UIMC1: variants seen among roughly 807,000 people sequenced by gnomAD.
UIMC1 encodes the protein ubiquitin interaction motif containing 1.
Under a neutral mutation model 84.9 loss-of-function variants are expected in UIMC1, and 42 were observed. The ratio of observed to expected loss-of-function variants is 0.49; its 90% confidence interval spans 0.39 to 0.64. The LOEUF is 0.64. Among genes scored for constraint, UIMC1 ranks in the 30% least tolerant of loss-of-function variants. The pLI, the probability that UIMC1 is intolerant of heterozygous loss-of-function variation, is 0.00. For synonymous variants in UIMC1, 281 were observed against 293.0 expected (o/e 0.96, Z 0.42); for missense variants, 825 against 847.6 (o/e 0.97, Z 0.33).
Position 176,911,318 on chromosome 5 carries a change from T to C in UIMC1, c.1669A>G (p.Ile557Val). 2 of 1,595,740 alleles carry C rather than the reference T, an allele frequency of 1.3e-6. No homozygotes were observed. Among genetic ancestry groups the C allele is most frequent in the South Asian group, 2.3e-5 (2 of 87,348 alleles). Residue 557 changes from isoleucine (I) to valine (V), a missense_variant, in exon 11 of 15, where the codon ATT (isoleucine) becomes GTT (valine). By Grantham distance (29) the Ile-to-Val change is conservative (BLOSUM62 3). Transcript: ENST00000511320. Reference protein sequence around the residue: ...SGTAAQTSLDIDKNEKCYLCK... With the variant: ...SGTAAQTSLDVDKNEKCYLCK... ...TGCAGCATACCTACTTACTTGTCAA[T>C]GTCTAGAGAAGTCTGGGCAGCTGTC...
chr5:176,985,848 C>A (rs1771904811), intron 1 of UIMC1, among the ~76,000 whole-genome samples: 2 of 152,096 alleles, frequency 1.3e-5, no homozygotes, highest in African/African-American at 2.4e-5. Flanking sequence ...ATACCAAATG[C>A]CTCAACCTGA....
upstream of UIMC1, among the ~76,000 whole-genome samples, chr5:177,009,856 GA>G (rs1379557469): frequency 6.6e-6 from 1 of 152,086 alleles, no homozygotes; most frequent in Non-Finnish European, 1.5e-5. The surrounding 1 kb of genome is among the most constrained non-coding windows in gnomAD (Gnocchi z 4.3). Flanking sequence ...TCAACATGGC[GA>G]AACCCCGTCT....
intron 10 of UIMC1, among the ~76,000 whole-genome samples, chr5:176,939,319 A>G (rs1246210011): frequency 2.3e-4 from 35 of 152,088 alleles, no homozygotes; most frequent in Non-Finnish European, 2.9e-5. Flanking sequence ...TTAAAGGTAA[A>G]TATGAAGTAA....
At chr5:176,920,247 C>T (rs1016293807) in intron 10 of UIMC1, among the ~76,000 whole-genome samples, 61 of 152,072 alleles carry the variant, frequency 4.0e-4, no homozygotes, top group African/African-American at 1.4e-3. Context: ...AGGCTAGTCT[C>T]GAACTCCTGA....
chr5:176,998,983 G>T (rs1774049794), intron 1 of UIMC1, among the ~76,000 whole-genome samples: 1 of 151,762 alleles, frequency 6.6e-6, no homozygotes, highest in African/African-American at 2.4e-5. Context: ...TGAGCTAGGG[G>T]GTTTGAGACC....
At chr5:176,924,946 G>A (rs187939919) in intron 10 of UIMC1, among the ~76,000 whole-genome samples, 3 of 150,672 alleles carry the variant, frequency 2.0e-5, no homozygotes, top group South Asian at 4.2e-4. Context: ...CAGGAGAATC[G>A]CTTGAACCTG....
chr5:176,976,159 A>C (rs1030077068), intron 2 of UIMC1, among the ~76,000 whole-genome samples: 1 of 151,904 alleles, frequency 6.6e-6, no homozygotes, highest in African/African-American at 2.4e-5. Flanking sequence ...TTTATTTTTT[A>C]ATTAAAAAGA....
At chr5:176,924,869 A>G (rs1324974746) in intron 10 of UIMC1, among the ~76,000 whole-genome samples, 4 of 151,874 alleles carry the variant, frequency 2.6e-5, no homozygotes, top group Non-Finnish European at 5.9e-5. Context: ...TGAAACCCTG[A>G]CTCTACTAAA....
At chr5:176,905,879 G>A in intron 14 of UIMC1, 132 bp downstream of exon 14, 1 of 916,292 alleles carries the variant, frequency 1.1e-6, no homozygotes, top group East Asian at 2.5e-5. Flanking sequence ...CATACTGAGA[G>A]AGAGGTCATA....
chr5:176,939,467 ATTATAATAC>A (rs1346700900), intron 10 of UIMC1, among the ~76,000 whole-genome samples: 1 of 152,104 alleles, frequency 6.6e-6, no homozygotes, highest in African/African-American at 2.4e-5. Flanking sequence ...GTGCCATAAA[ATTATAATAC>A]CATATTTTTA....
In UIMC1 at chr5:176,969,638, G is replaced by A. The variant is rs1396355682; in HGVS notation, c.426C>T (p.Ser142=). The A allele has an allele frequency of 6.2e-7, 1 of 1,613,998 alleles. No homozygotes were observed. The highest frequency in any genetic ancestry group is 1.3e-5 in the African/African-American group (1 of 74,892). ...RPLATGPSSQ[S]HQEKTTDSGL... is the part of the protein sequence containing the mutation. ...CAGAGTCTGTGGTTTTCTCTTGATG[G>A]GACTGGGAAGACGGTCCAGTGGCCA... The change falls in exon 5 of 15, where the codon TCC becomes TCT. Residue 142 remains serine (S), a synonymous_variant. Transcript: ENST00000511320.
Position 176,908,705 on chromosome 5 carries a change from A to G in UIMC1, c.1677-11T>C. 1 of 1,606,244 alleles carries G rather than the reference A, an allele frequency of 6.2e-7. No individual in the cohort carries two copies. Among genetic ancestry groups the G allele is most frequent in the Non-Finnish European group, 8.5e-7 (1 of 1,175,342 alleles). ...TAACACTTCTCATTCCTATCCAATAAGAAAAAAGGAAGAAAACACAGTTTT... is the reference window on the plus strand; with the variant it reads ...TAACACTTCTCATTCCTATCCAATAGGAAAAAAGGAAGAAAACACAGTTTT... On this transcript the variant is annotated splice_polypyrimidine_tract_variant and intron_variant, in intron 11 of 14. Transcript: ENST00000511320.
At chr5:176,958,212 C>T (rs1185623991) in intron 6 of UIMC1, 58 bp from the exon 7 acceptor site, 1 of 1,450,022 alleles carries the variant, frequency 6.9e-7, no homozygotes, top group Non-Finnish European at 9.4e-7. Flanking sequence ...GGCTTCTCTT[C>T]CTTTTTTAAA....
chr5:177,001,667 A>C (rs935609396), intron 1 of UIMC1, among the ~76,000 whole-genome samples: 1 of 152,066 alleles, frequency 6.6e-6, no homozygotes, highest in Non-Finnish European at 1.5e-5. Flanking sequence ...GGCCAGGTGC[A>C]GTGGCTCACG....
chr5:176,964,002 T>C (rs980061570), intron 6 of UIMC1, among the ~76,000 whole-genome samples: 9 of 152,198 alleles, frequency 5.9e-5, no homozygotes, highest in African/African-American at 2.2e-4. Flanking sequence ...CTTGTCTCAG[T>C]GATGCCAAAA....
intron 6 of UIMC1, among the ~76,000 whole-genome samples, chr5:176,958,530 T>C (rs1766903622): frequency 6.6e-6 from 1 of 152,200 alleles, no homozygotes; most frequent in South Asian, 2.1e-4. Flanking sequence ...AAATGAATTA[T>C]GATTTCAGAA....
chr5:177,003,709 A>G (rs1181718319), intron 1 of UIMC1, among the ~76,000 whole-genome samples: 1 of 152,154 alleles, frequency 6.6e-6, no homozygotes, highest in East Asian at 1.9e-4. Context: ...TAAATCTAAG[A>G]GTATAGCATG....
chr5:176,978,731 A>G (rs1194216391), intron 2 of UIMC1, among the ~76,000 whole-genome samples: 2 of 152,182 alleles, frequency 1.3e-5, no homozygotes, highest in African/African-American at 4.8e-5. Context: ...TACTAATCCC[A>G]TATATAATAT....
intron 6 of UIMC1, among the ~76,000 whole-genome samples, chr5:176,960,229 G>C (rs1174474554): frequency 2.0e-5 from 3 of 152,178 alleles, no homozygotes; most frequent in Non-Finnish European, 4.4e-5. Flanking sequence ...GCTGAGACTT[G>C]CCTGACTCTA....
Sources: gnomAD v4.1 joint callset for allele counts (sites outside exome capture counted in the v4.1 genomes callset) on GRCh38, gnomAD v4.1.1 for gene constraint, Gnocchi (gnomAD v3.1) non-coding constraint, MANE v1.5 for transcripts, NCBI Gene and HGNC (gene_info 2026-07-23, HGNC 2026-07-21) for gene names.